Variants in CDH13 observed in about 807,000 individuals in gnomAD.
CDH13 encodes the protein cadherin-13.
A neutral mutation model predicts 63.8 loss-of-function variants in CDH13; 24 were observed. The ratio of observed to expected loss-of-function variants is 0.38; its 90% CI spans 0.27 to 0.53. The LOEUF is 0.53. CDH13 is among the 20% of genes least tolerant of loss of function. The pLI is 0.85. For missense variants in CDH13, 1,049 were observed against 903.1 expected, an observed-to-expected ratio of 1.16 and a Z score of -2.07; for synonymous variants, 503 against 355.3, an observed-to-expected ratio of 1.42 and a Z score of -4.67.
At chr16:82,837,030 C>G (rs1287468101) in intron 1 of CDH13, among the ~76,000 whole-genome samples, 1 of 152,200 alleles carries the variant, frequency 6.6e-6, no homozygotes, top group Non-Finnish European at 1.5e-5. Context: ...TGGAGCATCT[C>G]ATGATAAAAT....
At chr16:82,719,851 A>G in intron 1 of CDH13, among the ~76,000 whole-genome samples, 1 of 151,482 alleles carries the variant, frequency 6.6e-6, no homozygotes. Context: ...GTCTCAAAAA[A>G]AAAAAAAAAA....
chr16:83,102,040 A>G (rs1468317213), intron 3 of CDH13, among the ~76,000 whole-genome samples: 1 of 152,198 alleles, frequency 6.6e-6, no homozygotes, highest in Admixed American at 6.5e-5. Context: ...CAGGGTCCTT[A>G]TGAGAGGGAG....
Position 83,744,028 on chromosome 16 carries a change from C to T in CDH13, c.1539-4080C>T, listed in dbSNP as rs936672894. ...GCTAAGCCTCTCTGATTCTTGGTTACCTCAACCTTAAAACAAGGATGATAC... is the reference window on the plus strand; with the variant it reads ...GCTAAGCCTCTCTGATTCTTGGTTATCTCAACCTTAAAACAAGGATGATAC... On this transcript the variant is annotated intron_variant, in intron 10 of 13. Transcript: ENST00000567109. 2.6e-5 allele frequency among the ~76,000 whole-genome samples: 4 copies of T among 152,146 alleles called. No individual in the cohort carries two copies. The East Asian group carries it at 7.7e-4, about 29-fold the overall frequency.
chr16:83,686,700 A>G (rs534359052), intron 10 of CDH13, among the ~76,000 whole-genome samples: 1 of 152,322 alleles, frequency 6.6e-6, no homozygotes, highest in South Asian at 2.1e-4. Context: ...ATAGGAAAAA[A>G]ATGTATTTTT....
At chr16:83,105,501 G>A (rs1443506615) in intron 3 of CDH13, among the ~76,000 whole-genome samples, 1 of 152,162 alleles carries the variant, frequency 6.6e-6, no homozygotes, top group Non-Finnish European at 1.5e-5. Context: ...AATCCGATGA[G>A]TAAATGCCTC....
At chr16:83,636,369 ATGATGCTAG>A (rs1290643902) in intron 8 of CDH13, among the ~76,000 whole-genome samples, 1 of 152,192 alleles carries the variant, frequency 6.6e-6, no homozygotes, top group Admixed American at 6.5e-5. Flanking sequence ...GGTATATTAC[ATGATGCTAG>A]GGTTTGGAGC....
chr16:83,372,844 A>G (rs547948741), intron 6 of CDH13, among the ~76,000 whole-genome samples: 74 of 152,048 alleles, frequency 4.9e-4, no homozygotes, highest in African/African-American at 1.7e-3. Flanking sequence ...AGTAAAGGAG[A>G]CTGACAAGTG....
chr16:82,626,986 G>A lies in CDH13; in HGVS notation c.-107G>A. 1 of 1,316,288 alleles carries A rather than the reference G, an allele frequency of 7.6e-7. No individual in the cohort carries two copies. The highest frequency in any genetic ancestry group is 1.1e-6 in the Non-Finnish European group (1 of 933,298). 81.5% of individuals were successfully genotyped at this position (1,316,288 alleles called of 1,614,324 possible). A position where few individuals can be genotyped will look rare whatever the true frequency, so the allele number is the denominator to read the frequency against. ...GCTGATCTATTTGGGAAGTTGGCTG[G>A]CTGGCGAGGCAGAGCCTCTCCTCAA... On this transcript the variant is annotated 5_prime_UTR_variant, in exon 1 of 14. Transcript: ENST00000567109.
At chr16:83,382,364 TA>T (rs1471739806) in intron 6 of CDH13, among the ~76,000 whole-genome samples, 1 of 152,156 alleles carries the variant, frequency 6.6e-6, no homozygotes, top group African/African-American at 2.4e-5. Flanking sequence ...TTAATGGAAA[TA>T]TTTTATTCTG....
intron 6 of CDH13, among the ~76,000 whole-genome samples, chr16:83,478,216 C>A (rs1335966550): frequency 6.6e-6 from 1 of 151,902 alleles, no homozygotes; most frequent in Non-Finnish European, 1.5e-5. Context: ...TTCAGACATG[C>A]AGTAATTCCT....
intron 5 of CDH13, among the ~76,000 whole-genome samples, chr16:83,269,549 C>T (rs1020002047): frequency 3.9e-5 from 6 of 152,144 alleles, no homozygotes; most frequent in Non-Finnish European, 8.8e-5. Context: ...GCCATGGGAA[C>T]TCAGAGAACA....
chr16:83,718,935 G>A lies in CDH13; in HGVS notation c.1539-29173G>A, dbSNP rs1445622791. ...CCTGAGAGAGGTGCTGATTCTCATC[G>A]CATTCAGCCTGCTGCATAGATGAGC... On this transcript the variant is annotated intron_variant, in intron 10 of 13. Transcript: ENST00000567109. Among the ~76,000 whole-genome samples, 5 of 152,134 alleles carry A rather than the reference G, an allele frequency of 3.3e-5. No homozygotes were observed. The South Asian group carries it at 6.2e-4, about 19-fold the overall frequency.
intron 3 of CDH13, among the ~76,000 whole-genome samples, chr16:83,078,501 C>T (rs7499683): frequency 0.43 from 66,103 of 152,054 alleles, 14,407 homozygotes; most frequent in East Asian, 0.52. Flanking sequence ...AATGCCACTG[C>T]TGATCTCACA....
At chr16:82,956,981 G>A (rs193237312) in intron 2 of CDH13, among the ~76,000 whole-genome samples, 3 of 152,190 alleles carry the variant, frequency 2.0e-5, no homozygotes, top group African/African-American at 7.2e-5. Flanking sequence ...AGACAGGGGT[G>A]GAGAGACATA....
At chr16:83,025,812 C>T (rs764433715) in intron 2 of CDH13, among the ~76,000 whole-genome samples, 2 of 152,146 alleles carry the variant, frequency 1.3e-5, no homozygotes, top group Non-Finnish European at 2.9e-5. Context: ...GGAGACCTGG[C>T]ACCTTGACAA....
At chr16:83,341,029 T>C (rs2090709984) in intron 5 of CDH13, among the ~76,000 whole-genome samples, 1 of 152,178 alleles carries the variant, frequency 6.6e-6, no homozygotes, top group East Asian at 1.9e-4. Context: ...CATTGCCTTC[T>C]GCCATGCCTA....
intron 5 of CDH13, among the ~76,000 whole-genome samples, chr16:83,329,636 G>A (rs1345387675): frequency 2.0e-5 from 3 of 152,068 alleles, no homozygotes; most frequent in Middle Eastern, 6.8e-3. Context: ...ACACATCTCC[G>A]GAACCTTTTC....
At chr16:83,076,369 C>G (rs1302417587) in intron 3 of CDH13, among the ~76,000 whole-genome samples, 1 of 152,126 alleles carries the variant, frequency 6.6e-6, no homozygotes, top group African/African-American at 2.4e-5. Flanking sequence ...TCATTCAGAG[C>G]TTGTTGCTGG....
rs1917929848 is a variant in CDH13, at chr16:83,047,719, G to A, written c.366+15501G>A. Among the ~76,000 whole-genome samples the A allele has an allele frequency of 6.6e-6, 1 of 152,192 alleles. No homozygotes were observed. The highest frequency in any genetic ancestry group is 1.5e-5 in the Non-Finnish European group (1 of 68,038). On this transcript the variant is annotated intron_variant, in intron 3 of 13. Transcript: ENST00000567109. The surrounding 1 kb of genome is among the most constrained non-coding windows in gnomAD (Gnocchi z 4.9). Reference sequence around the variant, plus strand: ...ATAATTTCTTAATGACTTAGCAAATGCTGGAGACAGAATGAATATTGATAT... The same window carrying A: ...ATAATTTCTTAATGACTTAGCAAATACTGGAGACAGAATGAATATTGATAT...
Sources: gnomAD v4.1 joint callset for allele counts (sites outside exome capture counted in the v4.1 genomes callset) on GRCh38, gnomAD v4.1.1 for gene constraint, Gnocchi (gnomAD v3.1) non-coding constraint, MANE v1.5 for transcripts, NCBI Gene and HGNC (gene_info 2026-07-23, HGNC 2026-07-21) for gene names.